Variants in HAT1 observed in about 807,000 individuals in gnomAD.
HAT1 encodes histone acetyltransferase 1, also known as histone acetyltransferase type B catalytic subunit.
HAT1 carries 20 observed loss-of-function variants against 56.6 expected under a neutral mutation model. That is an observed-to-expected ratio of 0.35 (90% confidence interval 0.25 to 0.51). The LOEUF is 0.51. Ranked by LOEUF, HAT1 falls within the 20% of genes least tolerant of loss-of-function variation. The pLI, the probability that HAT1 is intolerant of heterozygous loss-of-function variation, is 0.95. For missense variants in HAT1, 408 were observed against 504.3 expected, an observed-to-expected ratio of 0.81 and a Z score of 1.83; for synonymous variants, 146 against 165.5, an observed-to-expected ratio of 0.88 and a Z score of 0.91.
intron 2 of HAT1, among the ~76,000 whole-genome samples, chr2:171,929,235 G>GT (rs1173782211): frequency 6.6e-6 from 1 of 151,636 alleles, no homozygotes; most frequent in Admixed American, 6.6e-5. Flanking sequence ...ATTAAGGATT[G>GT]TTTTTTTAAT....
intron 8 of HAT1, among the ~76,000 whole-genome samples, chr2:171,969,653 AGTGGTGACTTG>A (rs1261486548): frequency 1.3e-5 from 2 of 152,208 alleles, no homozygotes; most frequent in African/African-American, 4.8e-5. Context: ...TTAAAGATTG[AGTGGTGACTTG>A]GTTCCTTATA....
intron 2 of HAT1, among the ~76,000 whole-genome samples, chr2:171,941,401 C>T (rs1165962688): frequency 5.9e-5 from 9 of 151,988 alleles, no homozygotes; most frequent in South Asian, 2.1e-4. Context: ...TTAGTAGTGA[C>T]GGGGTTTCTC....
rs778334611 is a variant in HAT1, at chr2:171,954,407, C to T, written c.309+1406C>T. On this transcript the variant is annotated intron_variant, in intron 4 of 10. Transcript: ENST00000264108. ...ATAAAGGTAAAGAGAGAGATGAGGC[C>T]GGGCACAGTGGCTCATGCCTGTAAT... Among the ~76,000 whole-genome samples the T allele has an allele frequency of 2.0e-5, 3 of 152,028 alleles. No individual in the cohort carries two copies. In the South Asian group the frequency reaches 6.2e-4, roughly 32 times the overall value.
intron 2 of HAT1, among the ~76,000 whole-genome samples, chr2:171,945,915 C>T (rs1198467367): frequency 2.0e-5 from 3 of 152,132 alleles, no homozygotes; most frequent in Non-Finnish European, 4.4e-5. Flanking sequence ...GGTAATCTGC[C>T]CACCTCAGCC....
chr2:171,960,565 GCT>G (rs1048245037), intron 4 of HAT1, among the ~76,000 whole-genome samples: 1 of 152,036 alleles, frequency 6.6e-6, no homozygotes, highest in African/African-American at 2.4e-5. Context: ...CAAGCTGAAT[GCT>G]CTAGTTGCAC....
At chr2:171,955,467 C>T (rs576031392) in intron 4 of HAT1, among the ~76,000 whole-genome samples, 20 of 151,622 alleles carry the variant, frequency 1.3e-4, no homozygotes, top group Non-Finnish European at 1.9e-4. Flanking sequence ...AAAAATTAGC[C>T]GGGCGTGGTG....
intron 8 of HAT1, among the ~76,000 whole-genome samples, chr2:171,972,681 A>T (rs777110031): frequency 1.3e-5 from 2 of 152,274 alleles, no homozygotes; most frequent in Non-Finnish European, 2.9e-5. Context: ...GGCAAGGCAC[A>T]GCAGAGGTTT....
intron 3 of HAT1, among the ~76,000 whole-genome samples, chr2:171,952,055 T>C (rs1039534026): frequency 6.6e-6 from 1 of 152,228 alleles, no homozygotes; most frequent in African/African-American, 2.4e-5. Flanking sequence ...AATACAGCTT[T>C]ATTGAGATAT....
At chr2:171,938,669 A>G (rs1002001934) in intron 2 of HAT1, among the ~76,000 whole-genome samples, 3 of 152,182 alleles carry the variant, frequency 2.0e-5, no homozygotes, top group Non-Finnish European at 2.9e-5. Context: ...GCTTTTCAGT[A>G]CTTTTCTGGC....
chr2:171,954,932 G>T (rs1286840413), intron 4 of HAT1, among the ~76,000 whole-genome samples: 2 of 152,196 alleles, frequency 1.3e-5, no homozygotes, highest in Non-Finnish European at 2.9e-5. Context: ...AAGGCAGTGT[G>T]ACCACAGAGG....
At chr2:171,959,700 C>T (rs1687529911) in intron 4 of HAT1, among the ~76,000 whole-genome samples, 1 of 152,108 alleles carries the variant, frequency 6.6e-6, no homozygotes, top group Admixed American at 6.5e-5. Flanking sequence ...GTGTTCATTC[C>T]ATAGTGCCTT....
chr2:171,948,861 C>A (rs1023258208), intron 3 of HAT1, among the ~76,000 whole-genome samples: 1 of 152,112 alleles, frequency 6.6e-6, no homozygotes, highest in Non-Finnish European at 1.5e-5. Context: ...TCAGGAAGTC[C>A]GTGATGTCAG....
intron 4 of HAT1, among the ~76,000 whole-genome samples, chr2:171,953,221 C>CACA (rs1249213374): frequency 2.1e-4 from 32 of 152,074 alleles, no homozygotes; most frequent in Middle Eastern, 3.4e-3. Context: ...TGGCATGTGT[C>CACA]TGTAATTCCA....
intron 4 of HAT1, among the ~76,000 whole-genome samples, chr2:171,964,124 T>C (rs1412605142): frequency 2.0e-5 from 3 of 152,208 alleles, no homozygotes; most frequent in African/African-American, 7.2e-5. Flanking sequence ...GCATTGCTTC[T>C]ACTTAGTTAA....
chr2:171,980,850 C>A, intron 10 of HAT1: 2 of 124,668 alleles, frequency 1.6e-5, no homozygotes, highest in Non-Finnish European at 1.6e-5. Context: ...AGCAAGACTC[C>A]ATCTCAAAAA....
At chr2:171,973,163 A>G (rs911656309) in intron 8 of HAT1, among the ~76,000 whole-genome samples, 25 of 151,924 alleles carry the variant, frequency 1.6e-4, no homozygotes, top group African/African-American at 5.1e-4. Context: ...TCTGCTTTTC[A>G]ACTTGGAGCT....
chr2:171,930,493 C>A (rs1261214101), intron 2 of HAT1, among the ~76,000 whole-genome samples: 1 of 152,176 alleles, frequency 6.6e-6, no homozygotes, highest in Non-Finnish European at 1.5e-5. Flanking sequence ...TAAACATTTT[C>A]TCTTCCAATT....
intron 10 of HAT1, among the ~76,000 whole-genome samples, chr2:171,981,517 T>C (rs1688133089): frequency 6.6e-6 from 1 of 152,226 alleles, no homozygotes; most frequent in African/African-American, 2.4e-5. Context: ...TGACACTACT[T>C]GCTGAATCCC....
intron 6 of HAT1, chr2:171,966,187 AT>A (rs1687679158): frequency 3.3e-6 from 2 of 612,954 alleles, no homozygotes; most frequent in South Asian, 3.8e-5. Flanking sequence ...CATCTTTATA[AT>A]AGGCAAGTGC....
Sources: gnomAD v4.1 joint callset for allele counts (sites outside exome capture counted in the v4.1 genomes callset) on GRCh38, gnomAD v4.1.1 for gene constraint, MANE v1.5 for transcripts, NCBI Gene and HGNC (gene_info 2026-07-23, HGNC 2026-07-21) for gene names.